LMO2: variants seen among roughly 807,000 people sequenced by gnomAD.
LMO2 encodes rhombotin-2.
Under a neutral mutation model 23.2 loss-of-function variants are expected in LMO2, and 20 were observed. That is an observed-to-expected ratio of 0.86 (90% CI 0.61 to 1.25). The LOEUF (loss-of-function observed/expected upper bound fraction) is 1.25, where lower values mean the gene tolerates loss of function less well. Ranked by LOEUF, LMO2 falls within the 50% of genes most tolerant of loss-of-function variation. The probability of loss-of-function intolerance (pLI) is 0.00; values close to 1 mark genes in which losing one functional copy is unlikely to be tolerated. For missense variants in LMO2, 270 were observed against 315.3 expected (o/e 0.86, Z 1.09); for synonymous variants, 123 against 130.2 (o/e 0.94, Z 0.38).
At chr11:33,865,197 C>G in intron 4 of LMO2, 1 of 333,004 alleles carries the variant, frequency 3.0e-6, no homozygotes, top group Non-Finnish European at 5.9e-6. Flanking sequence ...TTCCTCCTCC[C>G]ATAACCTGGA....
intron 1 of LMO2, among the ~76,000 whole-genome samples, chr11:33,884,324 G>A (rs1477980499): frequency 6.6e-6 from 1 of 152,026 alleles, no homozygotes; most frequent in Non-Finnish European, 1.5e-5. Flanking sequence ...GTCAGGCTGG[G>A]GGTGGTCAAT....
intron 2 of LMO2, chr11:33,881,529 C>A: frequency 5.2e-6 from 2 of 382,304 alleles, no homozygotes; most frequent in South Asian, 3.9e-5. Flanking sequence ...GGCTCTGAGG[C>A]ATCTTTTTAA....
At chr11:33,873,043 A>G (rs879309647) in intron 2 of LMO2, among the ~76,000 whole-genome samples, 3 of 152,116 alleles carry the variant, frequency 2.0e-5, no homozygotes, top group Non-Finnish European at 2.9e-5. Context: ...GATTGCAGGC[A>G]TGAGCCACCG....
At chr11:33,889,068 T>A (rs1460058750) in intron 1 of LMO2, among the ~76,000 whole-genome samples, 1 of 152,126 alleles carries the variant, frequency 6.6e-6, no homozygotes, top group South Asian at 2.1e-4. Context: ...AGAAAATGGA[T>A]CTTTAATAAA....
In LMO2 at chr11:33,860,262, C is replaced by T. The variant is rs932526734; in HGVS notation, c.465-687G>A. 3.9e-5 allele frequency among the ~76,000 whole-genome samples: 6 copies of T among 152,162 alleles called. No homozygotes were observed. The South Asian group carries it at 6.2e-4, about 16-fold the overall frequency. Reference sequence around the variant, plus strand: ...AGGGAGGATCTTAATTCATGGCCCTCGCTGCCCACTGGCATGAATCAAAAG... The same window carrying T: ...AGGGAGGATCTTAATTCATGGCCCTTGCTGCCCACTGGCATGAATCAAAAG... On this transcript the variant is annotated intron_variant, in intron 5 of 5. Coordinates refer to ENST00000257818, the MANE Select transcript of LMO2 (RefSeq NM_005574.4).
chr11:33,871,300 A>G (rs1467181640), intron 2 of LMO2, among the ~76,000 whole-genome samples: 1 of 151,762 alleles, frequency 6.6e-6, no homozygotes, highest in Non-Finnish European at 1.5e-5. Context: ...GTATACAAAA[A>G]GACTTTTTCG....
At position 33,869,778 on chromosome 11, in the gene LMO2, C is replaced by T. The variant is rs1460707575; in HGVS notation, c.-62G>A. The T allele has an allele frequency of 4.3e-6, 5 of 1,169,024 alleles. No individual in the cohort carries two copies. In the East Asian group the frequency reaches 1.3e-4, roughly 30 times the overall value. The allele number at this position is 1,169,024 out of a possible 1,614,324, so 72.4% of individuals were successfully genotyped here. ...CGCGCTGTCGCCGGCTCCGCGCCGCCCGCGGGGATGGTGTGCGCCCGCCCG... is the reference window on the plus strand; with the variant it reads ...CGCGCTGTCGCCGGCTCCGCGCCGCTCGCGGGGATGGTGTGCGCCCGCCCG... On this transcript the variant is annotated 5_prime_UTR_variant, in exon 3 of 6. Transcript: ENST00000257818.
At chr11:33,859,626 G>T in intron 5 of LMO2, 51 bp from the exon 6 acceptor site, 1 of 1,558,832 alleles carries the variant, frequency 6.4e-7, no homozygotes, top group Non-Finnish European at 8.8e-7. Flanking sequence ...GACAATCCTG[G>T]AAGACAGGGC....
At chr11:33,871,289 AG>A (rs1024249738) in intron 2 of LMO2, among the ~76,000 whole-genome samples, 1 of 151,102 alleles carries the variant, frequency 6.6e-6, no homozygotes, top group Non-Finnish European at 1.5e-5. Flanking sequence ...TGGAGACTTC[AG>A]TATACAAAAA....
At chr11:33,863,431 A>C (rs1856655227) in intron 5 of LMO2, among the ~76,000 whole-genome samples, 2 of 152,124 alleles carry the variant, frequency 1.3e-5, no homozygotes, top group Admixed American at 6.5e-5. Flanking sequence ...TTGTTTCTAT[A>C]ATGTAAAATG....
In LMO2 at chr11:33,860,634, C is replaced by T. The variant is rs928039936; in HGVS notation, c.465-1059G>A. Among the ~76,000 whole-genome samples the T allele has an allele frequency of 2.0e-5, 3 of 152,022 alleles. No individual in the cohort carries two copies. In the East Asian group the frequency reaches 5.8e-4, roughly 29 times the overall value. ...CAAAAATTAGCCGGGTGCGGTGGTG[C>T]ATGCCTCTAGTCTCAGCTATTAATA... On this transcript the variant is annotated intron_variant, in intron 5 of 5. Transcript: ENST00000257818.
rs1247637110 is a variant in LMO2, at chr11:33,864,005, G to C, written c.464+597C>G. Among the ~76,000 whole-genome samples, 3 of 152,138 alleles carry C rather than the reference G, an allele frequency of 2.0e-5. No individual in the cohort carries two copies. The highest frequency in any genetic ancestry group is 2.9e-5 in the Non-Finnish European group (2 of 68,018). ...AGGAAGGTTAAATAACTTGCCCAAGGCCACCAAGCTGGGAAGCAATGGTAT... is the reference window on the plus strand; with the variant it reads ...AGGAAGGTTAAATAACTTGCCCAAGCCCACCAAGCTGGGAAGCAATGGTAT... On this transcript the variant is annotated intron_variant, in intron 5 of 5. Coordinates refer to ENST00000257818, the MANE Select transcript of LMO2 (RefSeq NM_005574.4). The surrounding 1 kb of genome is among the most constrained non-coding windows in gnomAD (Gnocchi z 4.8).
chr11:33,870,971 T>C (rs1000568936), intron 2 of LMO2: 1 of 736,066 alleles, frequency 1.4e-6, no homozygotes, highest in Non-Finnish European at 1.7e-6. Flanking sequence ...CTTGAAAATA[T>C]CTGCGTTCAG....
intron 5 of LMO2, among the ~76,000 whole-genome samples, chr11:33,860,634 C>A (rs928039936): frequency 6.6e-6 from 1 of 152,022 alleles, no homozygotes; most frequent in African/African-American, 2.4e-5. Context: ...TGCGGTGGTG[C>A]ATGCCTCTAG....
At chr11:33,879,367 C>T (rs1857208871) in intron 2 of LMO2, among the ~76,000 whole-genome samples, 1 of 151,700 alleles carries the variant, frequency 6.6e-6, no homozygotes, top group Non-Finnish European at 1.5e-5. Flanking sequence ...CACCTGTAAT[C>T]CCAGCACTTT....
intron 4 of LMO2, among the ~76,000 whole-genome samples, chr11:33,865,318 C>T (rs1856743837): frequency 6.6e-6 from 1 of 152,234 alleles, no homozygotes; most frequent in South Asian, 2.1e-4. Flanking sequence ...TCCCCAGTGC[C>T]ATCCTCCCTC....
At chr11:33,863,696 C>T (rs1037069063) in intron 5 of LMO2, among the ~76,000 whole-genome samples, 3 of 152,220 alleles carry the variant, frequency 2.0e-5, no homozygotes, top group African/African-American at 7.2e-5. Context: ...AAGGCTTTCA[C>T]ACAGTGCTGG....
chr11:33,876,089 A>G (rs145080881), intron 2 of LMO2, among the ~76,000 whole-genome samples: 5 of 152,190 alleles, frequency 3.3e-5, no homozygotes, highest in African/African-American at 9.6e-5. Context: ...TCTGCTTGCA[A>G]TGCTTTCCCC....
chr11:33,871,567 CAAAAAA>C (rs58212820), intron 2 of LMO2, among the ~76,000 whole-genome samples: 3 of 52,938 alleles, frequency 5.7e-5, no homozygotes, highest in African/African-American at 8.6e-5. Flanking sequence ...GACCCTGTCT[CAAAAAA>C]AAAAAAAAAA....
Sources: allele counts gnomAD v4.1 joint callset (sites outside exome capture counted in the v4.1 genomes callset), GRCh38; gene constraint gnomAD v4.1.1; non-coding constraint Gnocchi (gnomAD v3.1); transcripts MANE v1.5; gene names NCBI Gene and HGNC (gene_info 2026-07-23, HGNC 2026-07-21).